The following CYTH3 variants were observed in gnomAD, a reference collection of about 807,000 sequenced individuals.
CYTH3 encodes the protein cytohesin-3.
A neutral mutation model predicts 55.1 loss-of-function variants in CYTH3; 23 were observed. That is an observed-to-expected ratio of 0.42 (90% confidence interval 0.30 to 0.59). The LOEUF (loss-of-function observed/expected upper bound fraction) is 0.59, where lower values mean the gene tolerates loss of function less well. Ranked by LOEUF, CYTH3 falls within the 20% of genes least tolerant of loss-of-function variation. The pLI is 0.20. For missense variants in CYTH3, 413 were observed against 524.8 expected, an observed-to-expected ratio of 0.79 and a Z score of 2.08; for synonymous variants, 249 against 194.9, an observed-to-expected ratio of 1.28 and a Z score of -2.31.
At chr7:6,221,150 A>C (rs1220299460) in intron 1 of CYTH3, among the ~76,000 whole-genome samples, 1 of 152,218 alleles carries the variant, frequency 6.6e-6, no homozygotes, top group Non-Finnish European at 1.5e-5. Context: ...ACTGGAAACA[A>C]CCAAAGTTCT....
rs376056826 is a variant in CYTH3, at chr7:6,245,869, G to A, written c.34+26605C>T. 1.3e-4 allele frequency among the ~76,000 whole-genome samples: 20 copies of A among 152,284 alleles called. No individual in the cohort carries two copies. The South Asian group carries it at 3.1e-3, about 24-fold the overall frequency. ...CAATGAGCCGAGATCGTGCCACTGC[G>A]CTACAGCCTGGGCAGCAAGAGTGAA... is the stretch of plus-strand genomic sequence containing the variant. On this transcript the variant is annotated intron_variant, in intron 1 of 12. Coordinates refer to ENST00000350796, the MANE Select transcript of CYTH3 (RefSeq NM_004227.4).
At chr7:6,190,423 T>G in intron 2 of CYTH3, 26 bp downstream of exon 2, 2 of 1,442,778 alleles carry the variant, frequency 1.4e-6, no homozygotes, top group Non-Finnish European at 1.8e-6. Flanking sequence ...AGTTTTGGAT[T>G]TTTGGTTTTT....
chr7:6,204,595 G>T (rs1342005662), intron 1 of CYTH3, among the ~76,000 whole-genome samples: 2 of 152,132 alleles, frequency 1.3e-5, no homozygotes, highest in Non-Finnish European at 2.9e-5. Context: ...CCTGATTCAG[G>T]TTCTGTGGAC....
chr7:6,271,007 T>C (rs1028497166), intron 1 of CYTH3, among the ~76,000 whole-genome samples: 1 of 152,184 alleles, frequency 6.6e-6, no homozygotes, highest in Admixed American at 6.5e-5. Flanking sequence ...CAGTTGTCTT[T>C]CTTTTCTAAC....
Position 6,170,718 on chromosome 7 carries a change from G to C in CYTH3, c.712-72C>G, listed in dbSNP as rs566775354. Reference sequence around the variant, plus strand: ...TGGCTGGCCGGGCAGAAAGCTCAGCGGGACCAGGGCGGCAAGGAGGCTTGG... The same window carrying C: ...TGGCTGGCCGGGCAGAAAGCTCAGCCGGACCAGGGCGGCAAGGAGGCTTGG... On this transcript the variant is annotated intron_variant, in intron 8 of 12. Transcript: ENST00000350796. This position sits in a 1 kb window ranked among gnomAD's most constrained non-coding sequence, Gnocchi z 7.8. The C allele has an allele frequency of 1.6e-5, 25 of 1,574,144 alleles. No individual in the cohort carries two copies. The highest frequency in any genetic ancestry group is 2.2e-5 in the Non-Finnish European group (25 of 1,157,914).
At chr7:6,245,134 A>G (rs935474134) in intron 1 of CYTH3, among the ~76,000 whole-genome samples, 8 of 151,496 alleles carry the variant, frequency 5.3e-5, no homozygotes, top group Admixed American at 5.3e-4. Context: ...GTCTTTTTAC[A>G]TAAAATGTTA....
intron 10 of CYTH3, 35 bp from the exon 11 acceptor site, chr7:6,165,651 G>A (rs199620770): frequency 1.2e-6 from 2 of 1,613,020 alleles, no homozygotes; most frequent in East Asian, 2.2e-5. Flanking sequence ...GGCTCACTGT[G>A]GGTCACCAGC....
chr7:6,176,395 G>A (rs1783352318), intron 5 of CYTH3, among the ~76,000 whole-genome samples: 1 of 150,424 alleles, frequency 6.6e-6, no homozygotes, highest in South Asian at 2.1e-4. Context: ...TTGCATAGCT[G>A]AGAATACAGG....
At chr7:6,244,323 T>A (rs1254390286) in intron 1 of CYTH3, among the ~76,000 whole-genome samples, 1 of 152,258 alleles carries the variant, frequency 6.6e-6, no homozygotes, top group East Asian at 1.9e-4. Flanking sequence ...TTTTAATGAA[T>A]TTATTTCAAC....
intron 1 of CYTH3, among the ~76,000 whole-genome samples, chr7:6,250,268 G>T (rs1001433599): frequency 6.6e-6 from 1 of 152,168 alleles, no homozygotes; most frequent in Non-Finnish European, 1.5e-5. Context: ...CTGTTCATAA[G>T]ATTATCAACT....
intron 1 of CYTH3, among the ~76,000 whole-genome samples, chr7:6,224,235 T>C (rs1779177731): frequency 6.6e-6 from 1 of 151,198 alleles, no homozygotes. Context: ...TTAAGAGCCT[T>C]GAGTCAGTAG....
chr7:6,171,157 G>T lies in CYTH3; in HGVS notation c.562+45C>A. ...ACAGGGGCCGCCCCCTCCAGAGCTG[G>T]AGGCTGTGCCTGGCAAGGGGCCAGG... On this transcript the variant is annotated intron_variant, in intron 7 of 12. Coordinates refer to ENST00000350796, the MANE Select transcript of CYTH3 (RefSeq NM_004227.4). The surrounding 1 kb of genome is among the most constrained non-coding windows in gnomAD (Gnocchi z 6.7). 1 of 1,608,160 alleles carries T rather than the reference G, an allele frequency of 6.2e-7. No individual in the cohort carries two copies. Among genetic ancestry groups the T allele is most frequent in the Non-Finnish European group, 8.5e-7 (1 of 1,175,056 alleles).
At chr7:6,266,438 T>C (rs1274143354) in intron 1 of CYTH3, among the ~76,000 whole-genome samples, 1 of 152,234 alleles carries the variant, frequency 6.6e-6, no homozygotes, top group African/African-American at 2.4e-5. Context: ...CTAAAATTAT[T>C]GAAATGTAAA....
chr7:6,259,742 T>TA (rs1206627816), intron 1 of CYTH3, among the ~76,000 whole-genome samples: 1 of 40,002 alleles, frequency 2.5e-5, no homozygotes, highest in Non-Finnish European at 4.1e-5. Context: ...TACATATATA[T>TA]AATATATATA....
At chr7:6,184,254 G>C (rs1360641227) in intron 4 of CYTH3, among the ~76,000 whole-genome samples, 11 of 151,410 alleles carry the variant, frequency 7.3e-5, no homozygotes, top group Admixed American at 7.2e-4. Context: ...TAGAAACGGG[G>C]TTTCACTGTG....
At chr7:6,182,660 C>T (rs1783532366) in intron 4 of CYTH3, among the ~76,000 whole-genome samples, 1 of 152,156 alleles carries the variant, frequency 6.6e-6, no homozygotes, top group African/African-American at 2.4e-5. Context: ...GTGCATACCA[C>T]CATGCCTGGC....
chr7:6,226,015 T>A (rs914305152), intron 1 of CYTH3, among the ~76,000 whole-genome samples: 3 of 152,138 alleles, frequency 2.0e-5, no homozygotes, highest in African/African-American at 7.2e-5. Flanking sequence ...AACAAAAAAA[T>A]TTTTGTCTTT....
chr7:6,223,593 G>C (rs1779150445), intron 1 of CYTH3, among the ~76,000 whole-genome samples: 1 of 152,088 alleles, frequency 6.6e-6, no homozygotes. Flanking sequence ...TGGATTAAGA[G>C]CAGTGCAAGA....
chr7:6,161,915 A>G lies in CYTH3; in HGVS notation c.*3029T>C, dbSNP rs1225512959. The stretch of plus-strand genomic sequence containing the variant: ...GTTCCTTCATGCGAGCTGTGGGAGT[A>G]TATACATCATTGAATAACAGACACT... On this transcript the variant is annotated 3_prime_UTR_variant, in exon 13 of 13. Transcript: ENST00000350796. 1 of 152,632 alleles carries G rather than the reference A, an allele frequency of 6.6e-6. No homozygotes were observed. Among genetic ancestry groups the G allele is most frequent in the Non-Finnish European group, 1.5e-5 (1 of 68,048 alleles). The allele number at this position is 152,632 out of a possible 1,614,324, so 9.5% of individuals were successfully genotyped here.
Sources: gnomAD v4.1 joint callset for allele counts (sites outside exome capture counted in the v4.1 genomes callset) on GRCh38, gnomAD v4.1.1 for gene constraint, Gnocchi (gnomAD v3.1) non-coding constraint, MANE v1.5 for transcripts, NCBI Gene and HGNC (gene_info 2026-07-23, HGNC 2026-07-21) for gene names.